The following CSMD1 variants were observed in gnomAD, a reference collection of about 807,000 sequenced individuals.
The protein encoded by CSMD1 is CUB and Sushi multiple domains 1, also known as CUB and sushi domain-containing protein 1.
Under a neutral mutation model 417.5 loss-of-function variants are expected in CSMD1, and 213 were observed. That is an observed-to-expected ratio of 0.51 (90% confidence interval 0.46 to 0.57). CSMD1 has a LOEUF of 0.57. Ranked by LOEUF, CSMD1 falls within the 20% of genes least tolerant of loss-of-function variation. The pLI, the probability that CSMD1 is intolerant of heterozygous loss-of-function variation, is 0.00. For missense variants in CSMD1, 6,923 were observed against 4,529.7 expected (o/e 1.53, Z -15.17); for synonymous variants, 2,862 against 1,736.8 (o/e 1.65, Z -16.11).
At chr8:3,316,418 CAGAT>C (rs373132461) in intron 23 of CSMD1, among the ~76,000 whole-genome samples, 6 of 152,128 alleles carry the variant, frequency 3.9e-5, no homozygotes, top group East Asian at 3.9e-4. Flanking sequence ...TAATGAATGA[CAGAT>C]AGGAAATAAA....
At chr8:2,966,542 G>C (rs756958746) in intron 58 of CSMD1, 28 bp downstream of exon 58, 4 of 1,598,284 alleles carry the variant, frequency 2.5e-6, no homozygotes, top group Non-Finnish European at 3.4e-6. Context: ...AGTAACGTCT[G>C]AGTCTACCAT....
intron 1 of CSMD1, among the ~76,000 whole-genome samples, chr8:4,645,235 G>C (rs945527308): frequency 1.3e-5 from 2 of 151,942 alleles, no homozygotes. Context: ...GGCAAGACAA[G>C]GCTGCCATGA....
intron 7 of CSMD1, among the ~76,000 whole-genome samples, chr8:3,681,206 A>G (rs1025519714): frequency 6.6e-6 from 1 of 152,188 alleles, no homozygotes; most frequent in African/African-American, 2.4e-5. Context: ...AGGCAGGAGA[A>G]GGAAATAAAG....
chr8:3,667,557 C>G (rs886168238), intron 7 of CSMD1, among the ~76,000 whole-genome samples: 1 of 151,988 alleles, frequency 6.6e-6, no homozygotes. Flanking sequence ...GAGGACTAGG[C>G]TGAGAAAGTC....
At chr8:4,405,586 G>C (rs28591586) in intron 3 of CSMD1, among the ~76,000 whole-genome samples, 67,040 of 152,016 alleles carry the variant, frequency 0.44, 15,362 homozygotes, top group African/African-American at 0.57. Flanking sequence ...TACAAAACGT[G>C]AGTTTGTTTG....
chr8:3,385,674 T>C (rs1407531418), intron 18 of CSMD1, among the ~76,000 whole-genome samples: 1 of 152,186 alleles, frequency 6.6e-6, no homozygotes, highest in African/African-American at 2.4e-5. Flanking sequence ...TGTATATTTA[T>C]GAAAGCGATA....
intron 5 of CSMD1, among the ~76,000 whole-genome samples, chr8:3,886,692 T>G (rs746835868): frequency 1.3e-5 from 2 of 152,194 alleles, no homozygotes; most frequent in African/African-American, 4.8e-5. Context: ...TACTACATGT[T>G]AGACACTTAT....
intron 3 of CSMD1, among the ~76,000 whole-genome samples, chr8:4,118,606 G>A (rs995675662): frequency 1.3e-5 from 2 of 152,310 alleles, no homozygotes; most frequent in Admixed American, 6.5e-5. Context: ...TGCTGGCAAG[G>A]CTGTGGAGAC....
intron 2 of CSMD1, among the ~76,000 whole-genome samples, chr8:4,520,670 A>G (rs1055321494): frequency 2.6e-5 from 4 of 152,162 alleles, no homozygotes; most frequent in African/African-American, 9.7e-5. Flanking sequence ...CCATGAACAG[A>G]CTTGTTCTGA....
Position 3,223,755 on chromosome 8 carries a change from G to C in CSMD1, c.4458C>G (p.Asp1486Glu). 1 of 1,613,906 alleles carries C rather than the reference G, an allele frequency of 6.2e-7. No homozygotes were observed. The highest frequency in any genetic ancestry group is 8.5e-7 in the Non-Finnish European group (1 of 1,179,820). Residue 1486 changes from aspartate (D) to glutamate (E), a missense_variant, in exon 28 of 70, where the codon GAC (aspartate) becomes GAG (glutamate). By Grantham distance (45) the Asp-to-Glu change is conservative. Transcript: ENST00000635120. ...ECDWRVKVNP[D>E]FVIALIFKSF... ...TTTTGAATATCAAGGCGATGACAAAGTCCGGGTTCACTTTTACTCTCCAGT... is the reference window on the plus strand; with the variant it reads ...TTTTGAATATCAAGGCGATGACAAACTCCGGGTTCACTTTTACTCTCCAGT...
chr8:3,811,001 C>T (rs559804495), intron 5 of CSMD1, among the ~76,000 whole-genome samples: 2 of 152,292 alleles, frequency 1.3e-5, no homozygotes, highest in African/African-American at 4.8e-5. Context: ...TATGAATTAA[C>T]ACTGTTCCAT....
chr8:3,869,966 T>G (rs1301256725), intron 5 of CSMD1, among the ~76,000 whole-genome samples: 1 of 151,838 alleles, frequency 6.6e-6, no homozygotes, highest in Non-Finnish European at 1.5e-5. Context: ...ATCTATATAT[T>G]TTAAAATTAC....
intron 7 of CSMD1, among the ~76,000 whole-genome samples, chr8:3,666,632 A>G (rs188772519): frequency 1.4e-3 from 220 of 152,240 alleles, no homozygotes; most frequent in African/African-American, 5.1e-3. Flanking sequence ...CCAGAGGGAG[A>G]TAATTGAATC....
chr8:4,977,897 C>G (rs1282844916), intron 1 of CSMD1, among the ~76,000 whole-genome samples: 1 of 152,206 alleles, frequency 6.6e-6, no homozygotes, highest in Non-Finnish European at 1.5e-5. Flanking sequence ...TCAACTCATT[C>G]ATTCACACAT....
intron 25 of CSMD1, among the ~76,000 whole-genome samples, chr8:3,299,635 C>G (rs975588565): frequency 6.6e-6 from 1 of 151,894 alleles, no homozygotes; most frequent in African/African-American, 2.4e-5. Context: ...AGGCTCTTGT[C>G]CAGCCAAGAG....
intron 4 of CSMD1, among the ~76,000 whole-genome samples, chr8:4,000,493 T>G (rs1425892513): frequency 6.6e-6 from 1 of 152,242 alleles, no homozygotes; most frequent in East Asian, 1.9e-4. Context: ...ATTCAGATAT[T>G]GGGCAGAATT....
chr8:3,561,282 G>C (rs943769383), intron 10 of CSMD1, among the ~76,000 whole-genome samples: 4 of 152,106 alleles, frequency 2.6e-5, no homozygotes, highest in Admixed American at 1.3e-4. Context: ...TCTACTACTA[G>C]GTATCTACTC....
At chr8:3,675,389 T>G (rs985704185) in intron 7 of CSMD1, among the ~76,000 whole-genome samples, 1 of 152,170 alleles carries the variant, frequency 6.6e-6, no homozygotes, top group Non-Finnish European at 1.5e-5. Flanking sequence ...GGCTTGGATA[T>G]GCTATCTTGT....
intron 3 of CSMD1, among the ~76,000 whole-genome samples, chr8:4,238,324 T>G (rs975101046): frequency 6.6e-6 from 1 of 152,196 alleles, no homozygotes; most frequent in Non-Finnish European, 1.5e-5. Context: ...CTCCTCAGCA[T>G]GTGCGCGAGG....
Sources: allele counts gnomAD v4.1 joint callset (sites outside exome capture counted in the v4.1 genomes callset), GRCh38; gene constraint gnomAD v4.1.1; transcripts MANE v1.5; gene names NCBI Gene and HGNC (gene_info 2026-07-23, HGNC 2026-07-21).